RAPGEF6: variants seen among roughly 807,000 people sequenced by gnomAD.
RAPGEF6 encodes the protein Rap guanine nucleotide exchange factor 6, also known as PDZ domain containing guanine nucleotide exchange factor (GEF) 2.
In RAPGEF6, 56 loss-of-function variants were observed where a neutral mutation model predicts 171.4. The ratio of observed to expected loss-of-function variants is 0.33; its 90% CI spans 0.26 to 0.41. RAPGEF6 has a LOEUF of 0.41. Among genes scored for constraint, RAPGEF6 ranks in the 10% least tolerant of loss-of-function variants. RAPGEF6 has a pLI of 1.00. For missense variants in RAPGEF6, 1,674 were observed against 1,921.4 expected (o/e 0.87, Z 2.41); for synonymous variants, 692 against 650.1 (o/e 1.06, Z -0.98).
chr5:131,596,430 C>A (rs1202637866), intron 3 of RAPGEF6, among the ~76,000 whole-genome samples: 1 of 151,154 alleles, frequency 6.6e-6, no homozygotes, highest in Admixed American at 6.6e-5. Flanking sequence ...CTGGAGTGCC[C>A]AAGCTTGTAA....
At chr5:131,474,299 A>C (rs1395219985) in intron 16 of RAPGEF6, among the ~76,000 whole-genome samples, 1 of 152,164 alleles carries the variant, frequency 6.6e-6, no homozygotes, top group African/African-American at 2.4e-5. Context: ...CCCCGTCTCT[A>C]CTAAAAATAC....
At chr5:131,547,480 A>T (rs571784008) in intron 6 of RAPGEF6, among the ~76,000 whole-genome samples, 1 of 151,694 alleles carries the variant, frequency 6.6e-6, no homozygotes, top group Admixed American at 6.6e-5. Context: ...AGCTATTCAC[A>T]ATTAAAGACT....
Position 131,508,005 on chromosome 5 carries a change from T to C in RAPGEF6, c.942+66A>G, listed in dbSNP as rs536366315. ...GTACTCAAAAATCAGGACAAATTTA[T>C]GGAAATTAAGTTATTTTAAAAGTTA... is the stretch of plus-strand genomic sequence containing the variant. On this transcript the variant is annotated intron_variant, in intron 9 of 27. Coordinates refer to ENST00000509018, the MANE Select transcript of RAPGEF6 (RefSeq NM_016340.6). The C allele has an allele frequency of 1.8e-5, 24 of 1,332,698 alleles. No homozygotes were observed. The African/African-American group carries it at 3.2e-4, about 18-fold the overall frequency. 82.6% of individuals were successfully genotyped at this position (1,332,698 alleles called of 1,614,324 possible).
chr5:131,532,199 A>G (rs1294207767), intron 6 of RAPGEF6: 4 of 431,854 alleles, frequency 9.3e-6, no homozygotes, highest in South Asian at 1.7e-5. Flanking sequence ...CCAGAGCTAC[A>G]GTGATGAGTA....
chr5:131,509,222 T>C (rs1245477057), intron 8 of RAPGEF6, among the ~76,000 whole-genome samples: 1 of 152,180 alleles, frequency 6.6e-6, no homozygotes, highest in Non-Finnish European at 1.5e-5. Flanking sequence ...TTCTGTAAAA[T>C]ATTACATAAA....
intron 4 of RAPGEF6, among the ~76,000 whole-genome samples, chr5:131,574,140 A>G (rs1762462472): frequency 6.6e-6 from 1 of 152,164 alleles, no homozygotes; most frequent in Admixed American, 6.5e-5. Flanking sequence ...CCTTGCTTCA[A>G]ATGCCAAAAG....
chr5:131,476,375 C>T (rs2149852425), intron 16 of RAPGEF6, among the ~76,000 whole-genome samples: 1 of 152,274 alleles, frequency 6.6e-6, no homozygotes, highest in East Asian at 1.9e-4. Context: ...CACCTGAGGT[C>T]AGGAGTTCCA....
At chr5:131,503,248 C>T (rs1391820020) in intron 11 of RAPGEF6, among the ~76,000 whole-genome samples, 2 of 152,094 alleles carry the variant, frequency 1.3e-5, no homozygotes, top group African/African-American at 4.8e-5. Context: ...GCTCTCAAAT[C>T]GTTCAGAAAA....
At position 131,594,761 on chromosome 5, in the gene RAPGEF6, G is replaced by A. The variant is rs148459164; in HGVS notation, c.198-2295C>T. Among the ~76,000 whole-genome samples the A allele has an allele frequency of 3.2e-4, 48 of 152,338 alleles. No homozygotes were observed. The East Asian group carries it at 5.6e-3, about 18-fold the overall frequency. Reference sequence around the variant, plus strand: ...CCTGGATGTGAGACATGGAGTCAACGGAGGTTATTTGGAAGCTTTAAGATT... The same window carrying A: ...CCTGGATGTGAGACATGGAGTCAACAGAGGTTATTTGGAAGCTTTAAGATT... On this transcript the variant is annotated intron_variant, in intron 3 of 27. Coordinates refer to ENST00000509018, the MANE Select transcript of RAPGEF6 (RefSeq NM_016340.6).
intron 6 of RAPGEF6, among the ~76,000 whole-genome samples, chr5:131,547,023 TAGTG>T (rs1760592359): frequency 6.6e-6 from 1 of 152,210 alleles, no homozygotes; most frequent in African/African-American, 2.4e-5. Flanking sequence ...AATTGTTAAA[TAGTG>T]AGAACAGGAA....
intron 5 of RAPGEF6, among the ~76,000 whole-genome samples, chr5:131,550,080 C>A (rs1021490048): frequency 6.6e-6 from 1 of 152,166 alleles, no homozygotes; most frequent in Non-Finnish European, 1.5e-5. Context: ...AATTCTCTCT[C>A]AGATTGTCAG....
At chr5:131,552,232 G>A (rs1179098692) in intron 5 of RAPGEF6, among the ~76,000 whole-genome samples, 3 of 151,622 alleles carry the variant, frequency 2.0e-5, no homozygotes, top group African/African-American at 4.8e-5. Context: ...CAAGATACAA[G>A]CAGAAGGGGA....
intron 7 of RAPGEF6, 116 bp from the exon 8 acceptor site, chr5:131,510,607 G>T (rs1757656596): frequency 1.1e-6 from 1 of 880,902 alleles, no homozygotes; most frequent in Non-Finnish European, 1.7e-6. Flanking sequence ...GGCAACGCTG[G>T]ATGCTGCATC....
At chr5:131,427,497 T>C (rs1751447619) in intron 27 of RAPGEF6, among the ~76,000 whole-genome samples, 1 of 152,172 alleles carries the variant, frequency 6.6e-6, no homozygotes, top group Admixed American at 6.5e-5. Context: ...TTTTAATCAT[T>C]TTATTACTCT....
At chr5:131,542,304 G>C (rs534394197) in intron 6 of RAPGEF6, among the ~76,000 whole-genome samples, 1 of 152,262 alleles carries the variant, frequency 6.6e-6, no homozygotes, top group African/African-American at 2.4e-5. Context: ...AACAGCAATA[G>C]GATGCTACTA....
chr5:131,450,053 G>T, intron 21 of RAPGEF6: 1 of 1,542,684 alleles, frequency 6.5e-7, no homozygotes, highest in South Asian at 1.2e-5. Context: ...CTTCCTGTAA[G>T]CAAGAGCCAC....
intron 20 of RAPGEF6, among the ~76,000 whole-genome samples, chr5:131,455,558 G>A (rs2149827216): frequency 6.6e-6 from 1 of 152,276 alleles, no homozygotes; most frequent in South Asian, 2.1e-4. Context: ...GCGTCCAGCT[G>A]AGCAAATGGA....
At chr5:131,606,135 G>T (rs748666440) in intron 1 of RAPGEF6, among the ~76,000 whole-genome samples, 7 of 151,840 alleles carry the variant, frequency 4.6e-5, no homozygotes, top group Non-Finnish European at 1.0e-4. Context: ...GGCCAAGGTG[G>T]GTGGATCACT....
At chr5:131,436,358 T>A (rs1179776348) in intron 24 of RAPGEF6, 1 of 1,537,650 alleles carries the variant, frequency 6.5e-7, no homozygotes, top group Admixed American at 2.0e-5. Context: ...ATCTTGCTGC[T>A]GTGATCAGAT....
Sources: allele counts gnomAD v4.1 joint callset (sites outside exome capture counted in the v4.1 genomes callset), GRCh38; gene constraint gnomAD v4.1.1; transcripts MANE v1.5; gene names NCBI Gene and HGNC (gene_info 2026-07-23, HGNC 2026-07-21).